The following CAMK1D variants were observed in gnomAD, a reference collection of about 807,000 sequenced individuals.
CAMK1D encodes calcium/calmodulin-dependent protein kinase type 1D.
Under a neutral mutation model 47.7 loss-of-function variants are expected in CAMK1D, and 9 were observed. That is an observed-to-expected ratio of 0.19 (90% CI 0.11 to 0.33). CAMK1D has a LOEUF of 0.33. Ranked by LOEUF, CAMK1D falls within the 10% of genes least tolerant of loss-of-function variation. The pLI, the probability that CAMK1D is intolerant of heterozygous loss-of-function variation, is 1.00. For missense variants in CAMK1D, 291 were observed against 488.7 expected, an observed-to-expected ratio of 0.60 and a Z score of 3.81; for synonymous variants, 184 against 184.9, an observed-to-expected ratio of 0.99 and a Z score of 0.04.
chr10:12,693,951 ATATAT>A (rs1833043180), intron 3 of CAMK1D, among the ~76,000 whole-genome samples: 1 of 65,020 alleles, frequency 1.5e-5, no homozygotes, highest in African/African-American at 5.9e-5. Context: ...AATATATAAT[ATATAT>A]TATATATAAA....
intron 3 of CAMK1D, among the ~76,000 whole-genome samples, chr10:12,745,828 C>T (rs750619909): frequency 3.3e-5 from 5 of 152,064 alleles, no homozygotes; most frequent in East Asian, 1.9e-4. Flanking sequence ...GGTCTCGAAC[C>T]GCTGACCTCA....
chr10:12,526,965 C>T (rs1034230806), intron 1 of CAMK1D, among the ~76,000 whole-genome samples: 1 of 150,900 alleles, frequency 6.6e-6, no homozygotes, highest in African/African-American at 2.4e-5. Context: ...ATGGGAGGAT[C>T]GACTGAACCA....
intron 4 of CAMK1D, among the ~76,000 whole-genome samples, chr10:12,766,472 A>G (rs1426579797): frequency 2.0e-5 from 3 of 149,514 alleles, no homozygotes; most frequent in Non-Finnish European, 4.4e-5. Flanking sequence ...CATATTGGAC[A>G]TGCCTGACCC....
chr10:12,652,025 C>G (rs939443599), intron 2 of CAMK1D, among the ~76,000 whole-genome samples: 14 of 151,814 alleles, frequency 9.2e-5, no homozygotes, highest in African/African-American at 3.4e-4. Flanking sequence ...GTGATCTGCC[C>G]GCCTCGGCCT....
Position 12,761,091 on chromosome 10 carries a change from G to GGCCA in CAMK1D, c.438+6_438+9dup, listed in dbSNP as rs1836485680. 1 of 1,612,970 alleles carries GGCCA rather than the reference G, an allele frequency of 6.2e-7. No homozygotes were observed. The highest frequency in any genetic ancestry group is 1.3e-5 in the African/African-American group (1 of 75,016). ...ATCGTCCACAGAGACCTCAAGGTGA[G>GGCCA]GCCATCGCTCAGCAGCATCCTGCAG... On this transcript the variant is annotated splice_donor_region_variant and intron_variant, in intron 4 of 10. Coordinates refer to ENST00000619168, the MANE Select transcript of CAMK1D (RefSeq NM_153498.4).
intron 1 of CAMK1D, among the ~76,000 whole-genome samples, chr10:12,507,665 G>A (rs1194112094): frequency 6.6e-6 from 1 of 152,188 alleles, no homozygotes; most frequent in Non-Finnish European, 1.5e-5. Flanking sequence ...GGATGGGCTT[G>A]TGGTGTCCTG....
chr10:12,377,672 A>G (rs1838222964), intron 1 of CAMK1D, among the ~76,000 whole-genome samples: 1 of 152,194 alleles, frequency 6.6e-6, no homozygotes. Context: ...GACCCACCAT[A>G]TAGGAATGCA....
At chr10:12,506,841 C>A (rs1834890779) in intron 1 of CAMK1D, among the ~76,000 whole-genome samples, 1 of 152,188 alleles carries the variant, frequency 6.6e-6, no homozygotes, top group African/African-American at 2.4e-5. Context: ...GCCCACCTAG[C>A]CCTTGGTGCC....
chr10:12,589,926 A>G (rs1410673597), intron 2 of CAMK1D, among the ~76,000 whole-genome samples: 1 of 152,160 alleles, frequency 6.6e-6, no homozygotes, highest in East Asian at 1.9e-4. Context: ...GAGACCTGCT[A>G]GGGTAACTCT....
chr10:12,755,530 C>T (rs929585864), intron 3 of CAMK1D, among the ~76,000 whole-genome samples: 1 of 152,142 alleles, frequency 6.6e-6, no homozygotes, highest in Non-Finnish European at 1.5e-5. Context: ...AATGGGGTTG[C>T]TGGGTTAAAT....
At chr10:12,513,939 G>A (rs1835113103) in intron 1 of CAMK1D, among the ~76,000 whole-genome samples, 1 of 152,156 alleles carries the variant, frequency 6.6e-6, no homozygotes, top group Admixed American at 6.5e-5. Context: ...ACATTCATCT[G>A]TGTTCACTTC....
intron 1 of CAMK1D, among the ~76,000 whole-genome samples, chr10:12,504,182 CAG>C (rs1393679654): frequency 1.3e-5 from 2 of 149,466 alleles, no homozygotes; most frequent in South Asian, 2.1e-4. Flanking sequence ...AAAAGTAGAT[CAG>C]AGTCTTCTAA....
intron 1 of CAMK1D, among the ~76,000 whole-genome samples, chr10:12,381,724 C>A (rs902018687): frequency 1.3e-5 from 2 of 152,046 alleles, no homozygotes; most frequent in African/African-American, 4.8e-5. Flanking sequence ...AGAAGCAGTC[C>A]GCGTTCATGT....
At chr10:12,504,886 C>G (rs530785207) in intron 1 of CAMK1D, among the ~76,000 whole-genome samples, 1 of 152,226 alleles carries the variant, frequency 6.6e-6, no homozygotes, top group Non-Finnish European at 1.5e-5. Context: ...TTTCTTGCCC[C>G]CTATGATGCT....
At chr10:12,532,526 G>A (rs539601220) in intron 1 of CAMK1D, among the ~76,000 whole-genome samples, 6 of 152,266 alleles carry the variant, frequency 3.9e-5, no homozygotes, top group Admixed American at 1.3e-4. Context: ...TGATCCGTCC[G>A]CCTCGGCCTC....
chr10:12,575,896 G>A (rs1159694563), intron 2 of CAMK1D, among the ~76,000 whole-genome samples: 1 of 152,178 alleles, frequency 6.6e-6, no homozygotes, highest in Admixed American at 6.5e-5. Flanking sequence ...AGGAAACCAT[G>A]GCTTGAAGAT....
At chr10:12,382,246 T>C (rs1838367730) in intron 1 of CAMK1D, among the ~76,000 whole-genome samples, 1 of 152,118 alleles carries the variant, frequency 6.6e-6, no homozygotes, top group Admixed American at 6.6e-5. Context: ...ATGAAAACCA[T>C]GTTGTAGAAT....
Position 12,478,927 on chromosome 10 carries a change from C to T in CAMK1D, c.93-74298C>T, listed in dbSNP as rs749901532. Among the ~76,000 whole-genome samples the T allele has an allele frequency of 1.1e-3, 163 of 152,326 alleles. 1 individual carries two copies. Among genetic ancestry groups the T allele is most frequent in the Non-Finnish European group, 1.9e-3 (131 of 68,030 alleles). On this transcript the variant is annotated intron_variant, in intron 1 of 10. Transcript: ENST00000619168. ...GCCACAGCGTCCTGAGCGCCTGCAACGTTTAGGGCCCTCTACCAAGTGTTT... is the reference window on the plus strand; with the variant it reads ...GCCACAGCGTCCTGAGCGCCTGCAATGTTTAGGGCCCTCTACCAAGTGTTT...
intron 8 of CAMK1D, among the ~76,000 whole-genome samples, chr10:12,818,259 C>T (rs747831674): frequency 6.6e-6 from 1 of 152,144 alleles, no homozygotes; most frequent in Non-Finnish European, 1.5e-5. Context: ...TGTATAACAC[C>T]TATCATTTAT....
Sources: gnomAD v4.1 joint callset for allele counts (sites outside exome capture counted in the v4.1 genomes callset) on GRCh38, gnomAD v4.1.1 for gene constraint, MANE v1.5 for transcripts, NCBI Gene and HGNC (gene_info 2026-07-23, HGNC 2026-07-21) for gene names.